The following EEPD1 variants were observed in gnomAD, a reference collection of about 807,000 sequenced individuals.
The protein encoded by EEPD1 is endonuclease/exonuclease/phosphatase family domain containing 1.
In EEPD1, 17 loss-of-function variants were observed where a neutral mutation model predicts 46.3. The ratio of observed to expected loss-of-function variants is 0.37; its 90% CI spans 0.25 to 0.55. The LOEUF is 0.55. Ranked by LOEUF, EEPD1 falls within the 20% of genes least tolerant of loss-of-function variation. The pLI, the probability that EEPD1 is intolerant of heterozygous loss-of-function variation, is 0.83. For missense variants in EEPD1, 673 were observed against 745.6 expected (o/e 0.90, Z 1.13); for synonymous variants, 313 against 315.6 (o/e 0.99, Z 0.09).
intron 3 of EEPD1, among the ~76,000 whole-genome samples, chr7:36,251,453 G>A (rs940253503): frequency 2.0e-5 from 3 of 152,180 alleles, no homozygotes; most frequent in Admixed American, 6.5e-5. Flanking sequence ...TGGGATTACA[G>A]GCATGCACCA....
chr7:36,166,864 G>A (rs1484770879), intron 2 of EEPD1, among the ~76,000 whole-genome samples: 1 of 152,214 alleles, frequency 6.6e-6, no homozygotes, highest in Non-Finnish European at 1.5e-5. Flanking sequence ...AGAAGGAAGA[G>A]TGGCTGTTCC....
intron 2 of EEPD1, among the ~76,000 whole-genome samples, chr7:36,202,017 G>A (rs1005274393): frequency 7.9e-5 from 12 of 152,124 alleles, no homozygotes; most frequent in African/African-American, 2.7e-4. Flanking sequence ...GCAGAATCTC[G>A]GGCCCCACCC....
intron 3 of EEPD1, among the ~76,000 whole-genome samples, chr7:36,247,549 G>A (rs1236037589): frequency 2.0e-5 from 3 of 152,204 alleles, no homozygotes; most frequent in Non-Finnish European, 4.4e-5. Flanking sequence ...TAGAATCCCA[G>A]AACTTCAGAA....
chr7:36,192,514 T>TAAA, intron 2 of EEPD1, among the ~76,000 whole-genome samples: 1 of 149,388 alleles, frequency 6.7e-6, no homozygotes, highest in African/African-American at 2.4e-5. Flanking sequence ...TCTCTTTCTT[T>TAAA]AAAAAAAAAA....
chr7:36,208,442 A>G lies in EEPD1; in HGVS notation c.879-30543A>G, dbSNP rs567301869. 1.6e-4 allele frequency among the ~76,000 whole-genome samples: 25 copies of G among 152,358 alleles called. 1 individual carries two copies. Among genetic ancestry groups the G allele is most frequent in the African/African-American group, 4.6e-4 (19 of 41,586 alleles). On this transcript the variant is annotated intron_variant, in intron 2 of 7. Transcript: ENST00000242108. Reference sequence around the variant, plus strand: ...CTCACAGTGTTTGGCTGTGGATGCAATTCAGGCCCAGTGGCTTTGACAGTT... The same window carrying G: ...CTCACAGTGTTTGGCTGTGGATGCAGTTCAGGCCCAGTGGCTTTGACAGTT...
chr7:36,286,805 C>G (rs1787348267), intron 5 of EEPD1, among the ~76,000 whole-genome samples: 1 of 152,144 alleles, frequency 6.6e-6, no homozygotes. Context: ...AGCCCCAAGT[C>G]TATAATAACA....
intron 2 of EEPD1, among the ~76,000 whole-genome samples, chr7:36,200,236 G>C (rs1035539165): frequency 5.3e-5 from 8 of 151,990 alleles, no homozygotes; most frequent in African/African-American, 1.9e-4. Flanking sequence ...GTGGTATTTG[G>C]TTTTCTGTTC....
At chr7:36,243,298 A>G (rs1216112369) in intron 3 of EEPD1, among the ~76,000 whole-genome samples, 1 of 107,704 alleles carries the variant, frequency 9.3e-6, no homozygotes, top group Non-Finnish European at 2.0e-5. Context: ...TTTATGGCCA[A>G]TTAAGCCTGG....
At chr7:36,278,828 C>T (rs78678552) in intron 3 of EEPD1, among the ~76,000 whole-genome samples, 8,857 of 152,258 alleles carry the variant, frequency 0.058, 320 homozygotes, top group Middle Eastern at 0.12. Flanking sequence ...GAGCATCTGG[C>T]CAGGGGGACT....
intron 6 of EEPD1, among the ~76,000 whole-genome samples, chr7:36,294,388 T>C (rs1417973319): frequency 6.6e-6 from 1 of 152,106 alleles, no homozygotes; most frequent in African/African-American, 2.4e-5. Flanking sequence ...ACAATTTAGT[T>C]GAGAAAAAAA....
At chr7:36,218,609 G>A (rs138222746) in intron 2 of EEPD1, among the ~76,000 whole-genome samples, 1,560 of 152,234 alleles carry the variant, frequency 0.01, 10 homozygotes, top group Non-Finnish European at 0.014. Context: ...GAGACACAGC[G>A]GTGCAGTGTG....
intron 2 of EEPD1, among the ~76,000 whole-genome samples, chr7:36,222,482 T>C (rs779290253): frequency 5.9e-5 from 9 of 152,210 alleles, no homozygotes; most frequent in Non-Finnish European, 1.3e-4. Flanking sequence ...AAACCTGTAT[T>C]GTTCAAGGGT....
chr7:36,237,555 T>C (rs1403972436), intron 2 of EEPD1, among the ~76,000 whole-genome samples: 2 of 152,208 alleles, frequency 1.3e-5, no homozygotes, highest in Non-Finnish European at 2.9e-5. Context: ...GGGGTCCCCA[T>C]GTAGACCCCA....
chr7:36,181,927 G>C (rs897428106), intron 2 of EEPD1, among the ~76,000 whole-genome samples: 1 of 152,194 alleles, frequency 6.6e-6, no homozygotes, highest in African/African-American at 2.4e-5. Context: ...AATATCACCA[G>C]TGAAAACCAG....
rs180893184 is a variant in EEPD1 at position 36,276,287 on chromosome 7, G to A, written c.931-4828G>A. 1.8e-4 allele frequency among the ~76,000 whole-genome samples: 27 copies of A among 152,298 alleles called. No individual in the cohort carries two copies. The East Asian group carries it at 2.7e-3, about 15-fold the overall frequency. Reference sequence around the variant, plus strand: ...GGCAATGAAAGTGCCATCTCTGGTCGTCTTCACTGCTCTTTTTACACTAAT... The same window carrying A: ...GGCAATGAAAGTGCCATCTCTGGTCATCTTCACTGCTCTTTTTACACTAAT... On this transcript the variant is annotated intron_variant, in intron 3 of 7. Transcript: ENST00000242108.
At chr7:36,192,130 C>T (rs1209280050) in intron 2 of EEPD1, among the ~76,000 whole-genome samples, 2 of 152,242 alleles carry the variant, frequency 1.3e-5, no homozygotes, top group East Asian at 1.9e-4. Flanking sequence ...AGCCCTTCAC[C>T]CTTTTCTAAA....
chr7:36,198,641 G>A (rs981908444), intron 2 of EEPD1, among the ~76,000 whole-genome samples: 3 of 152,238 alleles, frequency 2.0e-5, no homozygotes, highest in African/African-American at 7.2e-5. Flanking sequence ...GGAATGTCAA[G>A]TCCTTCTTCC....
intron 2 of EEPD1, among the ~76,000 whole-genome samples, chr7:36,183,228 A>G (rs1047576056): frequency 6.6e-6 from 1 of 152,102 alleles, no homozygotes; most frequent in African/African-American, 2.4e-5. Context: ...CATGTTCTCC[A>G]CGAGAACCAA....
chr7:36,238,549 G>T (rs1786497318), intron 2 of EEPD1, among the ~76,000 whole-genome samples: 1 of 152,178 alleles, frequency 6.6e-6, no homozygotes. Flanking sequence ...AGGTTCATCT[G>T]TGGCGTGGCA....
Sources: gnomAD v4.1 joint callset for allele counts (sites outside exome capture counted in the v4.1 genomes callset) on GRCh38, gnomAD v4.1.1 for gene constraint, MANE v1.5 for transcripts, NCBI Gene and HGNC (gene_info 2026-07-23, HGNC 2026-07-21) for gene names.